Variants in ASB13 observed in about 807,000 individuals in gnomAD.
The protein encoded by ASB13 is ankyrin repeat and SOCS box containing 13.
In ASB13, 33 loss-of-function variants were observed where a neutral mutation model predicts 28.8. The observed-to-expected ratio is 1.15, with a 90% CI of 0.87 to 1.53. The LOEUF (loss-of-function observed/expected upper bound fraction) is 1.53. ASB13 is among the 40% of genes most tolerant of loss of function. ASB13 has a pLI of 0.00. For synonymous variants in ASB13, 182 were observed against 172.9 expected (o/e 1.05, Z -0.41); for missense variants, 414 against 390.1 (o/e 1.06, Z -0.52).
rs1834875652 is a variant in ASB13 at position 5,645,734 on chromosome 10, G to T, written c.517+3236C>A. ...AGTTTGGGCAAAGGGACTGGGGAGG[G>T]GTGCAGGAAAAGGGACTTTCCACTC... On this transcript the variant is annotated intron_variant, in intron 4 of 5. Coordinates refer to ENST00000357700, the MANE Select transcript of ASB13 (RefSeq NM_024701.4). The surrounding 1 kb of genome is among the most constrained non-coding windows in gnomAD (Gnocchi z 5.4). Among the ~76,000 whole-genome samples the T allele has an allele frequency of 1.3e-5, 2 of 152,068 alleles. No homozygotes were observed. The highest frequency in any genetic ancestry group is 2.9e-5 in the Non-Finnish European group (2 of 68,018).
intron 1 of ASB13, 45 bp downstream of exon 1, chr10:5,666,464 C>T (rs1300455203): frequency 1.6e-6 from 2 of 1,277,004 alleles, no homozygotes; most frequent in Non-Finnish European, 2.0e-6. Context: ...GCCTCAGGAG[C>T]CGGCGCCGCT....
intron 1 of ASB13, 148 bp from the exon 2 acceptor site, chr10:5,653,198 C>CA: frequency 1.3e-5 from 12 of 901,156 alleles, no homozygotes; most frequent in Non-Finnish European, 2.0e-5. Context: ...ATCCCTGAGC[C>CA]ACCCCCACTG....
rs73610530 is a variant in ASB13 at position 5,666,266 on chromosome 10, C to G, written c.43+243G>C. ...TTGCGAAACCCCACACCTGGCGAGC[C>G]GCACGGACTGCAACCCCGCAGTGCG... is the stretch of plus-strand genomic sequence containing the variant. On this transcript the variant is annotated intron_variant, in intron 1 of 5. Transcript: ENST00000357700. Among the ~76,000 whole-genome samples, 845 of 152,096 alleles carry G rather than the reference C, an allele frequency of 5.6e-3. 8 individuals are homozygous for G. Among genetic ancestry groups the G allele is most frequent in the African/African-American group, 0.019 (807 of 41,504 alleles).
Position 5,652,819 on chromosome 10 carries a change from G to A in ASB13, c.231+44C>T. The A allele has an allele frequency of 1.4e-6, 2 of 1,468,948 alleles. No homozygotes were observed. The highest frequency in any genetic ancestry group is 1.8e-6 in the Non-Finnish European group (2 of 1,106,898). The allele number at this position is 1,468,948 out of a possible 1,614,324, so 91.0% of individuals were successfully genotyped here. A position where few individuals can be genotyped will look rare whatever the true frequency, so the allele number is the denominator to read the frequency against. ...TCCTGAGTCAACCTCCTCCATTCTG[G>A]CAGCTGCAGCCAGTCTGGGGGTCTG... is the stretch of plus-strand genomic sequence containing the variant. On this transcript the variant is annotated intron_variant, in intron 2 of 5. Coordinates refer to ENST00000357700, the MANE Select transcript of ASB13 (RefSeq NM_024701.4). This position sits in a 1 kb window ranked among gnomAD's most constrained non-coding sequence, Gnocchi z 5.0.
chr10:5,647,500 G>A (rs531260784), intron 4 of ASB13, among the ~76,000 whole-genome samples: 5 of 152,096 alleles, frequency 3.3e-5, no homozygotes, highest in African/African-American at 1.2e-4. Context: ...TCGAACACCC[G>A]ACAATGGCCT....
At chr10:5,646,705 C>T (rs1010074257) in intron 4 of ASB13, among the ~76,000 whole-genome samples, 4 of 152,184 alleles carry the variant, frequency 2.6e-5, no homozygotes, top group African/African-American at 9.7e-5. Flanking sequence ...GCAAAGGTGT[C>T]CAACTGACAT....
At chr10:5,657,893 A>G (rs1265629122) in intron 1 of ASB13, among the ~76,000 whole-genome samples, 1 of 152,226 alleles carries the variant, frequency 6.6e-6, no homozygotes, top group Non-Finnish European at 1.5e-5. Flanking sequence ...CACACCTGTA[A>G]TCCCAGCACT....
In ASB13 at chr10:5,640,576, G is replaced by A; in HGVS notation, c.*127C>T. ...GGAGAGAAGCCTAAACAGGATCGCA[G>A]GAAGGGACTCGAAGGAGCGTTGTTC... On this transcript the variant is annotated 3_prime_UTR_variant, in exon 6 of 6. Transcript: ENST00000357700. 2 of 1,241,714 alleles carry A rather than the reference G, an allele frequency of 1.6e-6. No individual in the cohort carries two copies. Among genetic ancestry groups the A allele is most frequent in the Non-Finnish European group, 2.3e-6 (2 of 881,652 alleles). 76.9% of individuals were successfully genotyped at this position (1,241,714 alleles called of 1,614,324 possible).
At chr10:5,648,236 C>CAAACACCCACTCAGGT (rs1218203753) in intron 4 of ASB13, among the ~76,000 whole-genome samples, 1 of 146,178 alleles carries the variant, frequency 6.8e-6, no homozygotes, top group East Asian at 2.2e-4. Flanking sequence ...CCCACGCAGG[C>CAAACACCCACTCAGGT]AAACACCCAC....
chr10:5,654,519 G>A (rs3750640), intron 1 of ASB13, among the ~76,000 whole-genome samples: 73,558 of 151,798 alleles, frequency 0.48, 18,738 homozygotes, highest in Middle Eastern at 0.66. Context: ...ACAAAAGCTC[G>A]CTAACTGGTA....
In ASB13 at chr10:5,645,299, A is replaced by G. The variant is rs1834866382; in HGVS notation, c.518-3338T>C. Among the ~76,000 whole-genome samples, 2 of 152,238 alleles carry G rather than the reference A, an allele frequency of 1.3e-5. No homozygotes were observed. The highest frequency in any genetic ancestry group is 1.9e-4 in the East Asian group (1 of 5,192). On this transcript the variant is annotated intron_variant, in intron 4 of 5. Transcript: ENST00000357700. The surrounding 1 kb of genome is among the most constrained non-coding windows in gnomAD (Gnocchi z 5.4). The stretch of plus-strand genomic sequence containing the variant: ...AAAATTTTTTAAAAATTAAACAACA[A>G]TTTTAAAAAAATTTTTTAAATTGTG...
intron 4 of ASB13, among the ~76,000 whole-genome samples, chr10:5,648,625 A>C (rs1272007527): frequency 0.09 from 3,693 of 41,080 alleles, no homozygotes; most frequent in Non-Finnish European, 0.11. Flanking sequence ...GGGGTAAACA[A>C]CCACGCAGGT....
In ASB13 at chr10:5,645,278, T is replaced by A. The variant is rs1040994572; in HGVS notation, c.518-3317A>T. 1.1e-4 allele frequency among the ~76,000 whole-genome samples: 17 copies of A among 152,020 alleles called. No homozygotes were observed. The highest frequency in any genetic ancestry group is 2.2e-4 in the African/African-American group (9 of 41,514). On this transcript the variant is annotated intron_variant, in intron 4 of 5. Coordinates refer to ENST00000357700, the MANE Select transcript of ASB13 (RefSeq NM_024701.4). This position sits in a 1 kb window ranked among gnomAD's most constrained non-coding sequence, Gnocchi z 5.4. Reference sequence around the variant, plus strand: ...AATTTAAAAAATTATAATTAAAAAATTTTTTAAAAATTAAACAACAATTTT... The same window carrying A: ...AATTTAAAAAATTATAATTAAAAAAATTTTTAAAAATTAAACAACAATTTT...
In ASB13 at chr10:5,650,416, G is replaced by A. The variant is rs181092067; in HGVS notation, c.382+797C>T. Among the ~76,000 whole-genome samples the A allele has an allele frequency of 5.8e-4, 88 of 152,188 alleles. No homozygotes were observed. The highest frequency in any genetic ancestry group is 1.1e-3 in the Non-Finnish European group (75 of 68,008). ...GGCCTGCAGACATGGAAAGACCTAC[G>A]AGCAGGAATCAGGGGTGAGCCACAT... On this transcript the variant is annotated intron_variant, in intron 3 of 5. Coordinates refer to ENST00000357700, the MANE Select transcript of ASB13 (RefSeq NM_024701.4). This position sits in a 1 kb window ranked among gnomAD's most constrained non-coding sequence, Gnocchi z 6.0.
In ASB13 at chr10:5,657,836, C is replaced by T. The variant is rs146571548; in HGVS notation, c.44-4786G>A. On this transcript the variant is annotated intron_variant, in intron 1 of 5. Coordinates refer to ENST00000357700, the MANE Select transcript of ASB13 (RefSeq NM_024701.4). The stretch of plus-strand genomic sequence containing the variant: ...CTACAACATGGATGAACCTTGAGGA[C>T]ATTATGCTGAGTCAAACAAGCCATT... Among the ~76,000 whole-genome samples, 10 of 152,312 alleles carry T rather than the reference C, an allele frequency of 6.6e-5. No individual in the cohort carries two copies. In the East Asian group the frequency reaches 1.9e-3, roughly 29 times the overall value.
rs1423974097 is a variant in ASB13, at chr10:5,652,874, C to G, written c.220G>C (p.Ala74Pro). The G allele has an allele frequency of 6.5e-7, 1 of 1,548,838 alleles. No individual in the cohort carries two copies. The highest frequency in any genetic ancestry group is 8.7e-7 in the Non-Finnish European group (1 of 1,145,886). The change falls in exon 2 of 6, where the codon GCT becomes CCT. Residue 74 changes from alanine to proline, a missense_variant. Ala to Pro is a conservative substitution (Grantham distance 27, BLOSUM62 -1). Transcript: ENST00000357700. This position sits in a 1 kb window ranked among gnomAD's most constrained non-coding sequence, Gnocchi z 5.0. ...GAAGGGCCACTCACCTGGGCCCCAGCCGCCAGCAGCAGCTGCACACACCGC... is the reference window on the plus strand; with the variant it reads ...GAAGGGCCACTCACCTGGGCCCCAGGCGCCAGCAGCAGCTGCACACACCGC... ...QARCVQLLLA[A>P]GAQVDARNID...
At position 5,641,751 on chromosome 10, in the gene ASB13, G is replaced by A. The variant is rs375310946; in HGVS notation, c.709+19C>T. ...CTGAAGGCTGGAGGGGATGGGGTGC[G>A]CTCGGTGGGGTGTCTCACTTTCGTA... On this transcript the variant is annotated intron_variant, in intron 5 of 5. Coordinates refer to ENST00000357700, the MANE Select transcript of ASB13 (RefSeq NM_024701.4). This position sits in a 1 kb window ranked among gnomAD's most constrained non-coding sequence, Gnocchi z 8.4. 1.0e-5 allele frequency: 16 copies of A among 1,552,176 alleles called. No individual in the cohort carries two copies. The highest frequency in any genetic ancestry group is 3.5e-5 in the South Asian group (3 of 85,126).
rs918580799 is a variant in ASB13 at position 5,645,452 on chromosome 10, G to T, written c.518-3491C>A. ...TAAAAATTACTTCACCATCATAACC[G>T]GACTTTCACCCTCCCCAGCCCTCCT... is the stretch of plus-strand genomic sequence containing the variant. On this transcript the variant is annotated intron_variant, in intron 4 of 5. Coordinates refer to ENST00000357700, the MANE Select transcript of ASB13 (RefSeq NM_024701.4). This position sits in a 1 kb window ranked among gnomAD's most constrained non-coding sequence, Gnocchi z 5.4. 5.3e-5 allele frequency among the ~76,000 whole-genome samples: 8 copies of T among 152,016 alleles called. No homozygotes were observed. Among genetic ancestry groups the T allele is most frequent in the Non-Finnish European group, 1.2e-4 (8 of 68,022 alleles).
intron 4 of ASB13, among the ~76,000 whole-genome samples, chr10:5,648,119 ACAGGTAAACACCCACT>A (rs1834914638): frequency 7.6e-6 from 1 of 132,036 alleles, no homozygotes; most frequent in South Asian, 2.6e-4. Flanking sequence ...AAACACCCAC[ACAGGTAAACACCCACT>A]CAGGTAAACA....
Sources: gnomAD v4.1 joint callset for allele counts (sites outside exome capture counted in the v4.1 genomes callset) on GRCh38, gnomAD v4.1.1 for gene constraint, Gnocchi (gnomAD v3.1) non-coding constraint, MANE v1.5 for transcripts, NCBI Gene and HGNC (gene_info 2026-07-23, HGNC 2026-07-21) for gene names.